ATP5MJ: variants seen among roughly 807,000 people sequenced by gnomAD.
ATP5MJ encodes the protein ATP synthase membrane subunit j.
A neutral mutation model predicts 8.3 loss-of-function variants in ATP5MJ; 4 were observed. The observed-to-expected ratio is 0.48, with a 90% CI of 0.24 to 1.11. The LOEUF is 1.11. Among genes scored for constraint, ATP5MJ ranks in the 50% least tolerant of loss-of-function variants. ATP5MJ has a pLI of 0.18. For missense variants in ATP5MJ, 66 were observed against 71.8 expected (o/e 0.92, Z 0.29); for synonymous variants, 23 against 21.3 (o/e 1.08, Z -0.23).
chr14:103,915,831 C>CA (rs1406460543), intron 1 of ATP5MJ, among the ~76,000 whole-genome samples: 1 of 152,048 alleles, frequency 6.6e-6, no homozygotes, highest in Non-Finnish European at 1.5e-5. Flanking sequence ...AACCCATCCC[C>CA]AGGGCCCCCT....
chr14:103,914,404 AC>A (rs1211004348), intron 2 of ATP5MJ: 9 of 569,354 alleles, frequency 1.6e-5, no homozygotes, highest in South Asian at 4.7e-5. Flanking sequence ...CATACCATGA[AC>A]CCATACCTTA....
chr14:103,912,790 G>T, intron 3 of ATP5MJ, 96 bp from the exon 4 acceptor site: 1 of 1,248,176 alleles, frequency 8.0e-7, no homozygotes, highest in Non-Finnish European at 1.2e-6. Context: ...TTGATCAACA[G>T]TCCAAAAAGA....
intron 1 of ATP5MJ, among the ~76,000 whole-genome samples, chr14:103,920,625 C>T (rs975079290): frequency 6.6e-6 from 1 of 151,356 alleles, no homozygotes; most frequent in Non-Finnish European, 1.5e-5. Context: ...GTGCCTGCCA[C>T]CACACCCAGC....
chr14:103,920,186 G>A (rs1192236756), intron 1 of ATP5MJ, among the ~76,000 whole-genome samples: 1 of 145,760 alleles, frequency 6.9e-6, no homozygotes, highest in Non-Finnish European at 1.5e-5. Flanking sequence ...ATGCAGTGAC[G>A]CGATCTCGGC....
At chr14:103,912,851 A>T (rs1282673961) in intron 3 of ATP5MJ, 157 bp from the exon 4 acceptor site, 15 of 717,134 alleles carry the variant, frequency 2.1e-5, no homozygotes, top group Non-Finnish European at 3.2e-5. Context: ...TCTATATGAA[A>T]CACCCAGAGT....
chr14:103,920,984 A>G, intron 1 of ATP5MJ: 4 of 1,551,662 alleles, frequency 2.6e-6, no homozygotes, highest in Non-Finnish European at 3.5e-6. Context: ...GTTCCATACA[A>G]TTTCATTCAG....
chr14:103,915,764 C>T (rs566944154), intron 1 of ATP5MJ, among the ~76,000 whole-genome samples: 57 of 151,396 alleles, frequency 3.8e-4, no homozygotes, highest in Admixed American at 1.6e-3. Flanking sequence ...GCTAGGATTA[C>T]GGTGTGAGCC....
chr14:103,921,038 T>C (rs1227683907), intron 1 of ATP5MJ: 24 of 1,551,504 alleles, frequency 1.5e-5, no homozygotes, highest in Admixed American at 2.0e-5. Flanking sequence ...CTCACCCAAG[T>C]TGTCATGTAC....
intron 1 of ATP5MJ, chr14:103,921,176 G>T: frequency 1.4e-6 from 1 of 716,408 alleles, no homozygotes. Context: ...TCTGGGTTAG[G>T]CAGCTGAACC....
chr14:103,917,698 G>A (rs7149412), intron 1 of ATP5MJ, among the ~76,000 whole-genome samples: 71,557 of 151,974 alleles, frequency 0.47, 18,109 homozygotes, highest in African/African-American at 0.65. Context: ...AGGCCAGGCC[G>A]GAGCTACAGC....
chr14:103,915,207 G>A lies in ATP5MJ; in HGVS notation c.1-18C>T. The A allele has an allele frequency of 6.2e-7, 1 of 1,607,296 alleles. No homozygotes were observed. Among genetic ancestry groups the A allele is most frequent in the Non-Finnish European group, 8.5e-7 (1 of 1,176,248 alleles). Reference sequence around the variant, plus strand: ...TGAAGCATCTGAAAATGAACACAGTGATTAAAAATTAGAATGATGATTGCT... The same window carrying A: ...TGAAGCATCTGAAAATGAACACAGTAATTAAAAATTAGAATGATGATTGCT... On this transcript the variant is annotated intron_variant, in intron 1 of 3. Transcript: ENST00000286953.
intron 1 of ATP5MJ, chr14:103,920,990 T>G (rs1357698250): frequency 3.9e-6 from 6 of 1,551,722 alleles, no homozygotes; most frequent in Non-Finnish European, 5.2e-6. Context: ...TACAATTTCA[T>G]TCAGCACCGT....
At chr14:103,914,482 T>C in intron 2 of ATP5MJ, 1 of 647,860 alleles carries the variant, frequency 1.5e-6, no homozygotes, top group South Asian at 1.7e-5. Context: ...AACTCACAAT[T>C]CTGATATTAA....
intron 2 of ATP5MJ, 70 bp downstream of exon 2, chr14:103,914,996 G>C (rs2087613780): frequency 6.3e-7 from 1 of 1,595,628 alleles, no homozygotes. Flanking sequence ...CCTTTACAAT[G>C]TGAATTGTGA....
At chr14:103,918,100 G>A (rs2087640125) in intron 1 of ATP5MJ, 1 of 152,214 alleles carries the variant, frequency 6.6e-6, no homozygotes, top group East Asian at 1.9e-4. Flanking sequence ...CTCTGACAGT[G>A]TGAGGTTCCA....
At chr14:103,920,936 T>C (rs1029745457) in intron 1 of ATP5MJ, 32 of 1,548,346 alleles carry the variant, frequency 2.1e-5, no homozygotes, top group South Asian at 4.8e-5. Context: ...GGGCGAACTA[T>C]TACCTGACAC....
chr14:103,914,912 A>C, intron 2 of ATP5MJ, 154 bp downstream of exon 2: 2 of 839,846 alleles, frequency 2.4e-6, no homozygotes, highest in Non-Finnish European at 3.6e-6. Context: ...TTTATAGCTG[A>C]CATGTGCTCC....
At chr14:103,914,303 T>C (rs2087605211) in intron 2 of ATP5MJ, 1 of 554,702 alleles carries the variant, frequency 1.8e-6, no homozygotes, top group African/African-American at 1.9e-5. Context: ...TCTGCTCTAC[T>C]GAGAACCAAG....
intron 1 of ATP5MJ, among the ~76,000 whole-genome samples, chr14:103,919,841 T>A (rs1226920715): frequency 1.3e-5 from 2 of 152,066 alleles, no homozygotes; most frequent in Non-Finnish European, 2.9e-5. Flanking sequence ...CCCCCTTTTT[T>A]TTTTTAGACA....
Sources: gnomAD v4.1 joint callset for allele counts (sites outside exome capture counted in the v4.1 genomes callset) on GRCh38, gnomAD v4.1.1 for gene constraint, MANE v1.5 for transcripts, NCBI Gene and HGNC (gene_info 2026-07-23, HGNC 2026-07-21) for gene names.